Variants in CD2AP observed in about 807,000 individuals in gnomAD.
CD2AP encodes CD2-associated protein.
Under a neutral mutation model 85.1 loss-of-function variants are expected in CD2AP, and 46 were observed. That is an observed-to-expected ratio of 0.54 (90% CI 0.43 to 0.69). The LOEUF is 0.69. Among genes scored for constraint, CD2AP ranks in the 30% least tolerant of loss-of-function variants. CD2AP has a pLI of 0.00. For synonymous variants in CD2AP, 255 were observed against 252.9 expected (o/e 1.01, Z -0.08); for missense variants, 769 against 729.5 (o/e 1.05, Z -0.62).
chr6:47,499,370 CTG>C (rs1416257378), intron 1 of CD2AP, among the ~76,000 whole-genome samples: 7 of 151,880 alleles, frequency 4.6e-5, no homozygotes, highest in African/African-American at 1.7e-4. Flanking sequence ...ATACATATAT[CTG>C]TTTATTTCTC....
At chr6:47,527,676 C>CT (rs1766765813) in intron 2 of CD2AP, among the ~76,000 whole-genome samples, 1 of 152,136 alleles carries the variant, frequency 6.6e-6, no homozygotes. Flanking sequence ...ATGGAAGTAA[C>CT]TATGTTGTCA....
At chr6:47,549,170 C>T (rs888844945) in intron 4 of CD2AP, among the ~76,000 whole-genome samples, 1 of 152,074 alleles carries the variant, frequency 6.6e-6, no homozygotes, top group African/African-American at 2.4e-5. Context: ...TCTCACCACT[C>T]CTCTTCAACA....
At chr6:47,604,012 C>A (rs532736076) in intron 13 of CD2AP, among the ~76,000 whole-genome samples, 4 of 151,876 alleles carry the variant, frequency 2.6e-5, no homozygotes, top group Admixed American at 2.6e-4. Flanking sequence ...TTTCCTGATT[C>A]GTTTAAAATA....
At chr6:47,500,300 A>C in intron 1 of CD2AP, among the ~76,000 whole-genome samples, 1 of 152,078 alleles carries the variant, frequency 6.6e-6, no homozygotes, top group East Asian at 1.9e-4. Flanking sequence ...CCCTGCATGC[A>C]TTTCATGTGA....
intron 2 of CD2AP, among the ~76,000 whole-genome samples, chr6:47,523,584 T>C (rs1766649430): frequency 6.6e-6 from 1 of 152,162 alleles, no homozygotes; most frequent in Non-Finnish European, 1.5e-5. Flanking sequence ...TGTTTTCTGT[T>C]ACTGTTAAAG....
intron 4 of CD2AP, among the ~76,000 whole-genome samples, chr6:47,547,432 G>C (rs988629293): frequency 1.3e-5 from 2 of 152,114 alleles, no homozygotes; most frequent in African/African-American, 4.8e-5. Flanking sequence ...AAAAGACAAA[G>C]AGGGACATTA....
intron 11 of CD2AP, among the ~76,000 whole-genome samples, chr6:47,595,133 G>T (rs1768905172): frequency 6.6e-6 from 1 of 151,936 alleles, no homozygotes; most frequent in Admixed American, 6.6e-5. Context: ...TCAGGAAGCA[G>T]GTATGTCATG....
At chr6:47,582,260 T>TA (rs968862980) in intron 11 of CD2AP, 195 bp downstream of exon 11, 138 of 525,368 alleles carry the variant, frequency 2.6e-4, no homozygotes, top group African/African-American at 2.3e-3. Context: ...ATTAAAAAAT[T>TA]AAACTATTCA....
chr6:47,524,008 C>A (rs1766660461), intron 2 of CD2AP, among the ~76,000 whole-genome samples: 1 of 152,086 alleles, frequency 6.6e-6, no homozygotes, highest in African/African-American at 2.4e-5. Context: ...TAAAACAAAT[C>A]TTTTAAATGG....
chr6:47,577,458 G>C (rs1768345323), intron 8 of CD2AP, among the ~76,000 whole-genome samples: 1 of 151,662 alleles, frequency 6.6e-6, no homozygotes, highest in Non-Finnish European at 1.5e-5. Flanking sequence ...CTGTCGTTTG[G>C]AGTGTTGTTT....
At chr6:47,534,133 T>C (rs1329546137) in intron 3 of CD2AP, among the ~76,000 whole-genome samples, 3 of 152,226 alleles carry the variant, frequency 2.0e-5, no homozygotes, top group African/African-American at 7.2e-5. Context: ...TTGTTAAACA[T>C]CTGAACATAA....
In CD2AP at chr6:47,560,020, C is replaced by T. The variant is rs575582318; in HGVS notation, c.541+5254C>T. Among the ~76,000 whole-genome samples, 30 of 152,240 alleles carry T rather than the reference C, an allele frequency of 2.0e-4. No homozygotes were observed. The Middle Eastern group carries it at 0.01, about 52-fold the overall frequency. On this transcript the variant is annotated intron_variant, in intron 5 of 17. Coordinates refer to ENST00000359314, the MANE Select transcript of CD2AP (RefSeq NM_012120.3). Reference sequence around the variant, plus strand: ...GGCTTTTGGATCCCATTCCTCTATACATTTCCATACTATTATATTACTCAT... The same window carrying T: ...GGCTTTTGGATCCCATTCCTCTATATATTTCCATACTATTATATTACTCAT...
chr6:47,516,345 C>A (rs1020770936), intron 2 of CD2AP, among the ~76,000 whole-genome samples: 4 of 152,216 alleles, frequency 2.6e-5, no homozygotes. Context: ...TAGAAAATCA[C>A]GTTCCAGTTT....
Position 47,590,395 on chromosome 6 carries a change from TATCTG to T in CD2AP, c.1109-5464_1109-5460del, listed in dbSNP as rs1178589706. On this transcript the variant is annotated intron_variant, in intron 11 of 17. Transcript: ENST00000359314. ...ATGTGTGTATATTTTTAAAAGAAAA[TATCTG>T]AACTGAAACATAAGGAGACAAAAAA... is the stretch of plus-strand genomic sequence containing the variant. Among the ~76,000 whole-genome samples the T allele has an allele frequency of 5.9e-5, 9 of 152,014 alleles. No homozygotes were observed. In the East Asian group the frequency reaches 1.7e-3, roughly 29 times the overall value.
intron 1 of CD2AP, among the ~76,000 whole-genome samples, chr6:47,486,891 A>G (rs1225092589): frequency 6.6e-6 from 1 of 152,200 alleles, no homozygotes; most frequent in South Asian, 2.1e-4. Flanking sequence ...AGTCTTGGTT[A>G]GAGTGTTTTT....
intron 17 of CD2AP, among the ~76,000 whole-genome samples, chr6:47,622,092 A>G (rs777440553): frequency 9.9e-5 from 15 of 152,166 alleles, no homozygotes; most frequent in African/African-American, 1.7e-4. Context: ...ATGGCTGCCT[A>G]TGCTGAATCA....
intron 2 of CD2AP, among the ~76,000 whole-genome samples, chr6:47,519,742 TAAATTATAAAATTAGTCAAC>T (rs1181598304): frequency 6.6e-6 from 1 of 152,230 alleles, no homozygotes; most frequent in Admixed American, 6.5e-5. Flanking sequence ...GAAAATCACC[TAAATTATAAAATTAGTCAAC>T]AAATTTTTTT....
chr6:47,617,916 C>T (rs1769636596), intron 17 of CD2AP, among the ~76,000 whole-genome samples: 1 of 152,156 alleles, frequency 6.6e-6, no homozygotes, highest in Non-Finnish European at 1.5e-5. Flanking sequence ...ACTGTGTTTT[C>T]TTGGATTGTC....
chr6:47,509,944 G>T (rs1191232723), intron 2 of CD2AP, among the ~76,000 whole-genome samples: 1 of 152,152 alleles, frequency 6.6e-6, no homozygotes, highest in Admixed American at 6.5e-5. Context: ...TCTCTTGAGT[G>T]TATGCTAATG....
Sources: gnomAD v4.1 joint callset for allele counts (sites outside exome capture counted in the v4.1 genomes callset) on GRCh38, gnomAD v4.1.1 for gene constraint, MANE v1.5 for transcripts, NCBI Gene and HGNC (gene_info 2026-07-23, HGNC 2026-07-21) for gene names.